Variants in TMEM132B observed in about 807,000 individuals in gnomAD.
TMEM132B encodes the protein transmembrane protein 132B.
In TMEM132B, 18 loss-of-function variants were observed where a neutral mutation model predicts 90.8. That is an observed-to-expected ratio of 0.20 (90% CI 0.14 to 0.29). The LOEUF (loss-of-function observed/expected upper bound fraction) is 0.29. TMEM132B is among the 10% of genes least tolerant of loss of function. TMEM132B has a pLI of 1.00. For missense variants in TMEM132B, 1,096 were observed against 1,326.8 expected (o/e 0.83, Z 2.70); for synonymous variants, 504 against 523.3 (o/e 0.96, Z 0.50).
At chr12:125,363,882 A>C (rs1436505637) in intron 2 of TMEM132B, among the ~76,000 whole-genome samples, 1 of 152,220 alleles carries the variant, frequency 6.6e-6, no homozygotes, top group Non-Finnish European at 1.5e-5. Context: ...AATATTCATT[A>C]GAGGAAAGTG....
intron 4 of TMEM132B, among the ~76,000 whole-genome samples, chr12:125,555,057 T>C (rs563697587): frequency 6.6e-6 from 1 of 152,180 alleles, no homozygotes; most frequent in Non-Finnish European, 1.5e-5. Flanking sequence ...ATGTGACTGG[T>C]CGCTCATCAT....
At chr12:125,425,177 T>C (rs1328381992) in intron 3 of TMEM132B, among the ~76,000 whole-genome samples, 1 of 152,128 alleles carries the variant, frequency 6.6e-6, no homozygotes, top group Non-Finnish European at 1.5e-5. Flanking sequence ...CCAGAGCAGG[T>C]AGTGCAAGTG....
chr12:125,392,370 G>C (rs182953429), intron 2 of TMEM132B, among the ~76,000 whole-genome samples: 153 of 152,266 alleles, frequency 1.0e-3, no homozygotes, highest in African/African-American at 3.5e-3. Context: ...ACTGTGCTGT[G>C]TCATGGAAAT....
At chr12:125,628,486 T>C (rs892348789) in intron 5 of TMEM132B, among the ~76,000 whole-genome samples, 22 of 152,200 alleles carry the variant, frequency 1.4e-4, no homozygotes, top group Non-Finnish European at 3.2e-4. Context: ...CATGTTTTGA[T>C]TGAATTATTC....
intron 2 of TMEM132B, among the ~76,000 whole-genome samples, chr12:125,368,050 A>G (rs1878184345): frequency 6.6e-6 from 1 of 152,114 alleles, no homozygotes; most frequent in African/African-American, 2.4e-5. Context: ...ATATCTTTAA[A>G]TTTATCATCA....
At chr12:125,361,934 T>C (rs961315132) in intron 2 of TMEM132B, among the ~76,000 whole-genome samples, 1 of 152,248 alleles carries the variant, frequency 6.6e-6, no homozygotes, top group Non-Finnish European at 1.5e-5. Context: ...AATTGGAGTA[T>C]ACCTAGATTA....
In TMEM132B at chr12:125,459,596, A is replaced by G. The variant is rs554637475; in HGVS notation, c.1106+43919A>G. 1.4e-4 allele frequency among the ~76,000 whole-genome samples: 21 copies of G among 152,342 alleles called. 1 individual carries two copies. In the South Asian group the frequency reaches 3.9e-3, roughly 29 times the overall value. ...TAGTTACAAAGAATGAATAAGACCT[A>G]CTATTTGATAGCACAACAGGGTGAC... On this transcript the variant is annotated intron_variant, in intron 3 of 8. Transcript: ENST00000682704. This position sits in a 1 kb window ranked among gnomAD's most constrained non-coding sequence, Gnocchi z 4.1.
chr12:125,654,713 T>G lies in TMEM132B; in HGVS notation c.*3T>G. The G allele has an allele frequency of 6.2e-7, 1 of 1,607,324 alleles. No individual in the cohort carries two copies. Among genetic ancestry groups the G allele is most frequent in the Non-Finnish European group, 8.5e-7 (1 of 1,176,372 alleles). On this transcript the variant is annotated 3_prime_UTR_variant, in exon 9 of 9. Coordinates refer to ENST00000682704, the MANE Select transcript of TMEM132B (RefSeq NM_001366854.1). The surrounding 1 kb of genome is among the most constrained non-coding windows in gnomAD (Gnocchi z 5.8). Reference sequence around the variant, plus strand: ...AAAGTCTGCAAGACCAGATGTAAACTCCTTTCTTATGTTTGTATTCACCTT... The same window carrying G: ...AAAGTCTGCAAGACCAGATGTAAACGCCTTTCTTATGTTTGTATTCACCTT...
rs993422612 is a variant in TMEM132B, at chr12:125,406,315, C to T, written c.960-9216C>T. On this transcript the variant is annotated intron_variant, in intron 2 of 8. Coordinates refer to ENST00000682704, the MANE Select transcript of TMEM132B (RefSeq NM_001366854.1). This position sits in a 1 kb window ranked among gnomAD's most constrained non-coding sequence, Gnocchi z 8.3. ...GTGGAAAATGGAAGCAGAAGCGATA[C>T]TACCCCTGCGGGGTTGCACGAGGCA... Among the ~76,000 whole-genome samples the T allele has an allele frequency of 6.6e-6, 1 of 152,234 alleles. No homozygotes were observed. Among genetic ancestry groups the T allele is most frequent in the Non-Finnish European group, 1.5e-5 (1 of 68,038 alleles).
intron 2 of TMEM132B, among the ~76,000 whole-genome samples, chr12:125,355,028 A>G (rs325103): frequency 0.91 from 137,503 of 151,838 alleles, 62,507 homozygotes; most frequent in East Asian, 1. Context: ...GCAGGCCTGC[A>G]TGTGTGAGTT....
intron 3 of TMEM132B, among the ~76,000 whole-genome samples, chr12:125,466,198 C>T (rs1881558581): frequency 6.6e-6 from 1 of 152,206 alleles, no homozygotes; most frequent in Non-Finnish European, 1.5e-5. Context: ...TCCCCAGATT[C>T]TCCTTTCCCC....
At chr12:125,558,251 A>T (rs1257783469) in intron 4 of TMEM132B, among the ~76,000 whole-genome samples, 2 of 152,172 alleles carry the variant, frequency 1.3e-5, no homozygotes, top group Non-Finnish European at 2.9e-5. Flanking sequence ...CTGCCCTGCC[A>T]TCTGTAACTC....
At chr12:125,502,003 A>AGT (rs1041931575) in intron 3 of TMEM132B, among the ~76,000 whole-genome samples, 1 of 152,086 alleles carries the variant, frequency 6.6e-6, no homozygotes, top group Non-Finnish European at 1.5e-5. Context: ...TATCTGCATG[A>AGT]GTGTGTGTGT....
intron 5 of TMEM132B, among the ~76,000 whole-genome samples, chr12:125,600,664 A>G (rs1401518840): frequency 4.6e-5 from 7 of 152,238 alleles, no homozygotes; most frequent in Non-Finnish European, 8.8e-5. Flanking sequence ...GTAATAAATC[A>G]AACTTTCATA....
chr12:125,586,127 G>A (rs966100155), intron 5 of TMEM132B: 11 of 152,206 alleles, frequency 7.2e-5, no homozygotes, highest in African/African-American at 1.9e-4. Context: ...GAGATCCTCT[G>A]AGTCTGTGGA....
At chr12:125,480,618 T>C (rs1593167216) in intron 3 of TMEM132B, among the ~76,000 whole-genome samples, 1 of 152,314 alleles carries the variant, frequency 6.6e-6, no homozygotes, top group Non-Finnish European at 1.5e-5. Flanking sequence ...CAATAATTAA[T>C]AGCCTACCAA....
At chr12:125,450,142 A>G (rs569544459) in intron 3 of TMEM132B, among the ~76,000 whole-genome samples, 1 of 152,354 alleles carries the variant, frequency 6.6e-6, no homozygotes, top group South Asian at 2.1e-4. Context: ...GCATTTCAGT[A>G]GCTATGAGGA....
chr12:125,482,079 T>G (rs1365915786), intron 3 of TMEM132B, among the ~76,000 whole-genome samples: 1 of 152,212 alleles, frequency 6.6e-6, no homozygotes, highest in Non-Finnish European at 1.5e-5. Flanking sequence ...GATCCCTTCC[T>G]TACACACTTA....
At chr12:125,453,929 C>T (rs2136455663) in intron 3 of TMEM132B, among the ~76,000 whole-genome samples, 1 of 152,246 alleles carries the variant, frequency 6.6e-6, no homozygotes, top group East Asian at 1.9e-4. Flanking sequence ...TTGTTAATTA[C>T]TGTTTGGGCA....
Sources: allele counts gnomAD v4.1 joint callset (sites outside exome capture counted in the v4.1 genomes callset), GRCh38; gene constraint gnomAD v4.1.1; non-coding constraint Gnocchi (gnomAD v3.1); transcripts MANE v1.5; gene names NCBI Gene and HGNC (gene_info 2026-07-23, HGNC 2026-07-21).